STK4: variants seen among roughly 807,000 people sequenced by gnomAD.
STK4 encodes serine/threonine kinase 4.
Under a neutral mutation model 64.9 loss-of-function variants are expected in STK4, and 30 were observed. The ratio of observed to expected loss-of-function variants is 0.46; its 90% CI spans 0.35 to 0.63. The LOEUF is 0.63. Ranked by LOEUF, STK4 falls within the 20% of genes least tolerant of loss-of-function variation. The pLI, the probability that STK4 is intolerant of heterozygous loss-of-function variation, is 0.01. For synonymous variants in STK4, 177 were observed against 199.0 expected, an observed-to-expected ratio of 0.89 and a Z score of 0.93; for missense variants, 466 against 598.5, an observed-to-expected ratio of 0.78 and a Z score of 2.31.
At position 45,074,998 on chromosome 20, in the gene STK4, AC is replaced by A. The variant is rs1177990541; in HGVS notation, c.1306-18del. 2.5e-6 allele frequency: 4 copies of A among 1,613,794 alleles called. No homozygotes were observed. The African/African-American group carries it at 4.0e-5, about 16-fold the overall frequency. On this transcript the variant is annotated intron_variant, in intron 10 of 10. Transcript: ENST00000372806. Reference sequence around the variant, plus strand: ...CTGACTTAAGCTTTGTCGTGACTATACCTTCCACTTCTCTTCTAGCTTAAGA... The same window carrying A: ...CTGACTTAAGCTTTGTCGTGACTATACTTCCACTTCTCTTCTAGCTTAAGA...
intron 9 of STK4, among the ~76,000 whole-genome samples, chr20:45,010,484 T>C (rs2068025931): frequency 6.6e-6 from 1 of 152,246 alleles, no homozygotes; most frequent in Non-Finnish European, 1.5e-5. Flanking sequence ...TGATTTATCC[T>C]TTAAGCATTT....
intron 10 of STK4, among the ~76,000 whole-genome samples, chr20:45,061,710 A>T (rs1979024232): frequency 6.6e-6 from 1 of 151,382 alleles, no homozygotes; most frequent in African/African-American, 2.4e-5. Flanking sequence ...AGTAATTAGC[A>T]TAGTACCCAA....
At chr20:44,990,764 C>T (rs6031916) in intron 5 of STK4, among the ~76,000 whole-genome samples, 13 of 152,236 alleles carry the variant, frequency 8.5e-5, no homozygotes, top group African/African-American at 2.9e-4. Context: ...GCGAGGGAAG[C>T]CCACTAGTTG....
intron 9 of STK4, among the ~76,000 whole-genome samples, chr20:45,009,733 A>C (rs980887246): frequency 6.6e-6 from 1 of 152,098 alleles, no homozygotes; most frequent in Admixed American, 6.5e-5. Flanking sequence ...TAGTTCTCCT[A>C]GAGATCCTTC....
chr20:44,967,433 CCTGG>C (rs2067170446), intron 1 of STK4, among the ~76,000 whole-genome samples: 1 of 152,146 alleles, frequency 6.6e-6, no homozygotes, highest in Non-Finnish European at 1.5e-5. Flanking sequence ...CCTAGTGGTA[CCTGG>C]AATTGCTTTA....
At chr20:44,975,301 C>T in intron 2 of STK4, 2 of 955,456 alleles carry the variant, frequency 2.1e-6, no homozygotes, top group South Asian at 9.6e-5. Flanking sequence ...AATCTTCTAA[C>T]CACCCCCTAT....
intron 9 of STK4, among the ~76,000 whole-genome samples, chr20:45,021,134 A>C (rs2068240582): frequency 1.3e-5 from 2 of 152,172 alleles, no homozygotes; most frequent in African/African-American, 4.8e-5. Context: ...AAGAATTTTT[A>C]AGTCTCTTCT....
chr20:45,017,740 T>A (rs942169347), intron 9 of STK4, among the ~76,000 whole-genome samples: 1 of 152,214 alleles, frequency 6.6e-6, no homozygotes, highest in African/African-American at 2.4e-5. Flanking sequence ...GAACATTTTT[T>A]ATCTTTTTAG....
chr20:44,991,007 C>T (rs1487522022), intron 5 of STK4, among the ~76,000 whole-genome samples: 3 of 152,258 alleles, frequency 2.0e-5, no homozygotes, highest in Middle Eastern at 6.8e-3. Flanking sequence ...CATCTGCTCT[C>T]CAGCTTTTAA....
chr20:44,977,639 A>G (rs2067363223), intron 2 of STK4, among the ~76,000 whole-genome samples: 1 of 152,202 alleles, frequency 6.6e-6, no homozygotes, highest in Non-Finnish European at 1.5e-5. Context: ...TGATAGCTAA[A>G]TGTAGTGTTG....
At chr20:44,971,906 C>T (rs2067254487) in intron 1 of STK4, among the ~76,000 whole-genome samples, 172 bp from the exon 2 acceptor site, 1 of 151,890 alleles carries the variant, frequency 6.6e-6, no homozygotes, top group Admixed American at 6.6e-5. Flanking sequence ...CTCCTGATCT[C>T]GTGATCTGCC....
rs1055628693 is a variant in STK4, at chr20:45,012,561, A to G, written c.1147+11208A>G. On this transcript the variant is annotated intron_variant, in intron 9 of 10. Transcript: ENST00000372806. ...AAGATGTTTTAGAGCTTTTTGTTAA[A>G]TCTATTTTTAGATACTTATTTGTTG... Among the ~76,000 whole-genome samples the G allele has an allele frequency of 2.0e-5, 3 of 152,126 alleles. No homozygotes were observed. The East Asian group carries it at 5.8e-4, about 29-fold the overall frequency.
intron 10 of STK4, among the ~76,000 whole-genome samples, chr20:45,046,168 G>A (rs897505910): frequency 1.3e-5 from 2 of 151,854 alleles, no homozygotes; most frequent in Non-Finnish European, 2.9e-5. Flanking sequence ...GTTTTCGCCA[G>A]GTGCAATCCC....
chr20:45,043,237 C>G (rs1455208878), intron 10 of STK4, among the ~76,000 whole-genome samples: 1 of 152,126 alleles, frequency 6.6e-6, no homozygotes, highest in African/African-American at 2.4e-5. Context: ...ACCACATGTT[C>G]TTTATCCAGT....
intron 10 of STK4, among the ~76,000 whole-genome samples, chr20:45,043,304 T>C (rs948316464): frequency 1.3e-5 from 2 of 152,172 alleles, no homozygotes; most frequent in Non-Finnish European, 1.5e-5. Flanking sequence ...ATAGCAAAGA[T>C]TTTACATTTG....
intron 9 of STK4, among the ~76,000 whole-genome samples, chr20:45,011,358 C>T (rs1045430667): frequency 3.3e-5 from 5 of 152,184 alleles, no homozygotes; most frequent in South Asian, 2.1e-4. Context: ...AGCCTTTATG[C>T]TAGAACAAGA....
At chr20:45,043,926 T>C (rs761453938) in intron 10 of STK4, among the ~76,000 whole-genome samples, 2 of 152,152 alleles carry the variant, frequency 1.3e-5, no homozygotes, top group African/African-American at 2.4e-5. Flanking sequence ...CCCCCAGTGA[T>C]TTGCCATTGC....
chr20:45,060,685 C>T (rs919626061), intron 10 of STK4, among the ~76,000 whole-genome samples: 12 of 152,204 alleles, frequency 7.9e-5, no homozygotes, highest in African/African-American at 2.7e-4. Flanking sequence ...ATTTCTTGGA[C>T]TGTTGTGAGG....
At chr20:45,001,117 C>G in intron 8 of STK4, 50 bp from the exon 9 acceptor site, 1 of 1,560,254 alleles carries the variant, frequency 6.4e-7, no homozygotes, top group Non-Finnish European at 8.7e-7. Context: ...TCAGAAAACT[C>G]AAAGTCTTTT....
Sources: gnomAD v4.1 joint callset for allele counts (sites outside exome capture counted in the v4.1 genomes callset) on GRCh38, gnomAD v4.1.1 for gene constraint, MANE v1.5 for transcripts, NCBI Gene and HGNC (gene_info 2026-07-23, HGNC 2026-07-21) for gene names.